PDE1A: variants seen among roughly 807,000 people sequenced by gnomAD.
The protein encoded by PDE1A is dual specificity calcium/calmodulin-dependent 3',5'-cyclic nucleotide phosphodiesterase 1A.
Under a neutral mutation model 61.7 loss-of-function variants are expected in PDE1A, and 35 were observed. That is an observed-to-expected ratio of 0.57 (90% CI 0.43 to 0.75). PDE1A has a LOEUF of 0.75. PDE1A is among the 30% of genes least tolerant of loss of function. PDE1A has a pLI of 0.00. For missense variants in PDE1A, 597 were observed against 630.6 expected (o/e 0.95, Z 0.57); for synonymous variants, 232 against 213.2 (o/e 1.09, Z -0.77).
chr2:182,474,724 T>C (rs979123075), intron 2 of PDE1A, among the ~76,000 whole-genome samples: 4 of 151,812 alleles, frequency 2.6e-5, no homozygotes, highest in African/African-American at 9.7e-5. Context: ...TATATATACA[T>C]AAACCCTAAT....
At chr2:182,313,008 G>A (rs1696092310) in intron 1 of PDE1A, among the ~76,000 whole-genome samples, 1 of 152,046 alleles carries the variant, frequency 6.6e-6, no homozygotes, top group African/African-American at 2.4e-5. Context: ...CATAGATCTT[G>A]CATATCATTT....
chr2:182,474,412 G>A (rs1687228921), intron 2 of PDE1A, among the ~76,000 whole-genome samples: 1 of 151,876 alleles, frequency 6.6e-6, no homozygotes, highest in Non-Finnish European at 1.5e-5. Flanking sequence ...GAGGCCAAAA[G>A]CTGCCCTAGA....
At chr2:182,186,416 G>A (rs2125398704) in intron 12 of PDE1A, 52 bp downstream of exon 12, 1 of 1,577,208 alleles carries the variant, frequency 6.3e-7, no homozygotes, top group South Asian at 1.2e-5. Flanking sequence ...TAAGGAAAGT[G>A]TTACTAAACA....
At chr2:182,168,389 G>T in intron 13 of PDE1A, 1 of 1,075,912 alleles carries the variant, frequency 9.3e-7, no homozygotes, top group Non-Finnish European at 1.3e-6. Context: ...AGCCATGATT[G>T]TAAAAAATTA....
chr2:182,653,028 G>A, the PDE1A span, among the ~76,000 whole-genome samples: 17 of 152,232 alleles, frequency 1.1e-4, no homozygotes, highest in African/African-American at 3.4e-4. Context: ...AGCTCTTCAG[G>A]ATCATGGGGC....
intron 2 of PDE1A, among the ~76,000 whole-genome samples, chr2:182,446,338 A>G (rs967712116): frequency 2.0e-5 from 3 of 152,092 alleles, no homozygotes; most frequent in African/African-American, 2.4e-5. Context: ...TTAACATAGG[A>G]CAAAGATAAA....
intron 1 of PDE1A, among the ~76,000 whole-genome samples, chr2:182,295,640 T>C (rs183274392): frequency 1.2e-4 from 19 of 152,038 alleles, no homozygotes; most frequent in Admixed American, 5.9e-4. Flanking sequence ...TTCCCTGATA[T>C]TATTCTGATG....
chr2:182,230,249 C>A, intron 5 of PDE1A, 103 bp from the exon 6 acceptor site: 1 of 793,658 alleles, frequency 1.3e-6, no homozygotes, highest in Non-Finnish European at 2.0e-6. Context: ...CAGATGTGGA[C>A]AGTAGTTTCT....
the PDE1A span, among the ~76,000 whole-genome samples, chr2:182,667,594 C>G: frequency 6.6e-6 from 1 of 152,222 alleles, no homozygotes; most frequent in Admixed American, 6.5e-5. Flanking sequence ...CAAATCATTC[C>G]TGTTCGAAGT....
intron 1 of PDE1A, among the ~76,000 whole-genome samples, chr2:182,344,452 C>T (rs1460031049): frequency 6.6e-6 from 1 of 152,076 alleles, no homozygotes; most frequent in Non-Finnish European, 1.5e-5. Flanking sequence ...ATTTGATTGT[C>T]TCCAGACTCC....
In PDE1A at chr2:182,522,293, C is replaced by A. The variant is rs756150628; in HGVS notation, c.84G>T (p.Trp28Cys). ...ATACTCACATTCCTTTCAGGCGCTG[C>A]CACATTTTTTCAGTCTGTTCTCCTG... Residue 28 changes from tryptophan to cysteine, a missense_variant, in exon 2 of 15, where the codon TGG becomes TGT. Coordinates refer to the PDE1A transcript ENST00000410103. 4.3e-6 allele frequency: 7 copies of A among 1,613,344 alleles called. No homozygotes were observed. The East Asian group carries it at 1.6e-4, about 36-fold the overall frequency.
At chr2:182,694,851 T>G in the PDE1A span, among the ~76,000 whole-genome samples, 6 of 147,836 alleles carry the variant, frequency 4.1e-5, no homozygotes, top group East Asian at 2.0e-4. Context: ...GTTGTTTGTT[T>G]GTTTTTTTTT....
chr2:182,669,132 T>C, the PDE1A span, among the ~76,000 whole-genome samples: 47 of 152,314 alleles, frequency 3.1e-4, no homozygotes, highest in African/African-American at 1.1e-3. Flanking sequence ...AAAGAAGCTA[T>C]TCTAGACTGA....
the PDE1A span, among the ~76,000 whole-genome samples, chr2:182,562,951 T>G: frequency 3.3e-5 from 5 of 152,234 alleles, no homozygotes; most frequent in Admixed American, 6.5e-5. Flanking sequence ...GCTCTTTTCT[T>G]CTTTATTAGT....
At chr2:182,589,669 T>C in the PDE1A span, among the ~76,000 whole-genome samples, 2 of 152,222 alleles carry the variant, frequency 1.3e-5, no homozygotes, top group African/African-American at 4.8e-5. Context: ...TACATCAGGC[T>C]AAAGAAATTT....
At chr2:182,382,085 AC>A (rs1325613193) in intron 1 of PDE1A, among the ~76,000 whole-genome samples, 1 of 152,122 alleles carries the variant, frequency 6.6e-6, no homozygotes, top group African/African-American at 2.4e-5. Context: ...CCCCCCAATA[AC>A]CCTTACCTTT....
chr2:182,233,608 C>G (rs532350218), intron 4 of PDE1A, among the ~76,000 whole-genome samples: 2 of 152,240 alleles, frequency 1.3e-5, no homozygotes, highest in South Asian at 2.1e-4. Flanking sequence ...AACCCAGGAT[C>G]TGCTGCTGCC....
intron 2 of PDE1A, among the ~76,000 whole-genome samples, chr2:182,511,118 T>C (rs1689754180): frequency 2.0e-5 from 3 of 151,994 alleles, no homozygotes; most frequent in Admixed American, 2.0e-4. Context: ...TCAACACCGA[T>C]GAGATACGTG....
At chr2:182,329,997 A>T (rs12477494) in intron 1 of PDE1A, among the ~76,000 whole-genome samples, 55,591 of 151,748 alleles carry the variant, frequency 0.37, 12,272 homozygotes, top group Non-Finnish European at 0.48. Flanking sequence ...TCAAATTACC[A>T]TCTGTGACTA....
Sources: gnomAD v4.1 joint callset for allele counts (sites outside exome capture counted in the v4.1 genomes callset) on GRCh38, gnomAD v4.1.1 for gene constraint, MANE v1.5 for transcripts, NCBI Gene and HGNC (gene_info 2026-07-23, HGNC 2026-07-21) for gene names.